HID1: variants seen among roughly 807,000 people sequenced by gnomAD.
HID1 encodes HID1 domain containing.
A neutral mutation model predicts 89.7 loss-of-function variants in HID1; 42 were observed. The observed-to-expected ratio is 0.47, with a 90% CI of 0.37 to 0.61. HID1 has a LOEUF of 0.61. Among genes scored for constraint, HID1 ranks in the 20% least tolerant of loss-of-function variants. The pLI, the probability that HID1 is intolerant of heterozygous loss-of-function variation, is 0.00. For synonymous variants in HID1, 442 were observed against 433.8 expected (o/e 1.02, Z -0.24); for missense variants, 854 against 1,039.3 (o/e 0.82, Z 2.45).
In HID1 at chr17:74,958,065, G is replaced by C; in HGVS notation, c.1471+76C>G. 2 of 1,357,152 alleles carry C rather than the reference G, an allele frequency of 1.5e-6. No homozygotes were observed. The highest frequency in any genetic ancestry group is 2.0e-6 in the Non-Finnish European group (2 of 976,572). The allele number at this position is 1,357,152 out of a possible 1,614,324, so 84.1% of individuals were successfully genotyped here. A position where few individuals can be genotyped will look rare whatever the true frequency, so the allele number is the denominator to read the frequency against. The stretch of plus-strand genomic sequence containing the variant: ...GTGGGCTGGAGGGGCTTGAAACCTG[G>C]AGCAAGTGGCAGGTTGGCCTGTGGC... On this transcript the variant is annotated intron_variant, in intron 12 of 18. Transcript: ENST00000425042. This position sits in a 1 kb window ranked among gnomAD's most constrained non-coding sequence, Gnocchi z 5.2.
In HID1 at chr17:74,958,620, T is replaced by C; in HGVS notation, c.1240+53A>G. The C allele has an allele frequency of 6.3e-7, 1 of 1,596,598 alleles. No individual in the cohort carries two copies. Among genetic ancestry groups the C allele is most frequent in the Non-Finnish European group, 8.6e-7 (1 of 1,165,440 alleles). Reference sequence around the variant, plus strand: ...GGGAGTCAGGGCAGATAGCCAGCCCTCCACCTCGCCGCCAGGAAAGCCCCC... The same window carrying C: ...GGGAGTCAGGGCAGATAGCCAGCCCCCCACCTCGCCGCCAGGAAAGCCCCC... On this transcript the variant is annotated intron_variant, in intron 10 of 18. Coordinates refer to ENST00000425042, the MANE Select transcript of HID1 (RefSeq NM_030630.3). The surrounding 1 kb of genome is among the most constrained non-coding windows in gnomAD (Gnocchi z 5.2).
chr17:74,962,940 G>T lies in HID1; in HGVS notation c.504+25C>A. 6.5e-7 allele frequency: 1 copy of T among 1,540,914 alleles called. No individual in the cohort carries two copies. Among genetic ancestry groups the T allele is most frequent in the South Asian group, 1.1e-5 (1 of 88,806 alleles). Reference sequence around the variant, plus strand: ...CAGGACCAGAGCCTACTCCGCCTGGGGGTGGGGGGCTGGGGGACACTCACC... The same window carrying T: ...CAGGACCAGAGCCTACTCCGCCTGGTGGTGGGGGGCTGGGGGACACTCACC... On this transcript the variant is annotated intron_variant, in intron 4 of 18. Coordinates refer to ENST00000425042, the MANE Select transcript of HID1 (RefSeq NM_030630.3). The surrounding 1 kb of genome is among the most constrained non-coding windows in gnomAD (Gnocchi z 4.3).
chr17:74,951,561 G>C lies in HID1; in HGVS notation c.*9C>G, dbSNP rs1191076736. The C allele has an allele frequency of 6.2e-7, 1 of 1,609,308 alleles. No homozygotes were observed. The highest frequency in any genetic ancestry group is 8.5e-7 in the Non-Finnish European group (1 of 1,177,896). On this transcript the variant is annotated 3_prime_UTR_variant, in exon 19 of 19. Coordinates refer to ENST00000425042, the MANE Select transcript of HID1 (RefSeq NM_030630.3). ...TTCCCCTAGACTGAGCCCCTCGTCGGCTTCATCCTCACACCCGCTGTATCT... is the reference window on the plus strand; with the variant it reads ...TTCCCCTAGACTGAGCCCCTCGTCGCCTTCATCCTCACACCCGCTGTATCT...
At position 74,972,550 on chromosome 17, in the gene HID1, C is replaced by T. The variant is rs2039665777; in HGVS notation, c.66+41G>A. ...ACCCCCGGCCCTGCCCAGCCCCCAG[C>T]CCGGCAGGTGGATGGGGACGCCGGG... On this transcript the variant is annotated intron_variant, in intron 1 of 18. Coordinates refer to ENST00000425042, the MANE Select transcript of HID1 (RefSeq NM_030630.3). The surrounding 1 kb of genome is among the most constrained non-coding windows in gnomAD (Gnocchi z 6.4). The T allele has an allele frequency of 6.5e-7, 1 of 1,529,764 alleles. No individual in the cohort carries two copies. 94.8% of individuals were successfully genotyped at this position (1,529,764 alleles called of 1,614,324 possible). A position where few individuals can be genotyped will look rare whatever the true frequency, so the allele number is the denominator to read the frequency against.
chr17:74,954,684 A>C, intron 13 of HID1: 1 of 407,036 alleles, frequency 2.5e-6, no homozygotes, highest in African/African-American at 2.1e-5. Flanking sequence ...GGCAGCATCC[A>C]CGTCAGGCCA....
At chr17:74,957,330 A>C (rs2039405147) in intron 12 of HID1, among the ~76,000 whole-genome samples, 1 of 150,882 alleles carries the variant, frequency 6.6e-6, no homozygotes, top group Admixed American at 6.6e-5. Context: ...AAAAAAAAAA[A>C]AAAAATTAGC....
At chr17:74,966,195 A>C (rs1373603954) in intron 1 of HID1, among the ~76,000 whole-genome samples, 1 of 148,308 alleles carries the variant, frequency 6.7e-6, no homozygotes, top group African/African-American at 2.5e-5. Flanking sequence ...TGAGGCAGAG[A>C]ATTGCTTGAA....
rs775192027 is a variant in HID1, at chr17:74,958,307, G to A, written c.1392+20C>T. 1.4e-5 allele frequency: 22 copies of A among 1,612,006 alleles called. No individual in the cohort carries two copies. Among genetic ancestry groups the A allele is most frequent in the Middle Eastern group, 1.7e-4 (1 of 6,058 alleles). On this transcript the variant is annotated intron_variant, in intron 11 of 18. Transcript: ENST00000425042. This position sits in a 1 kb window ranked among gnomAD's most constrained non-coding sequence, Gnocchi z 5.2. ...CACCACCCCTGCACCTCCTGGGCCCGGCCGCACGAGCCCCCTCACCACAAT... is the reference window on the plus strand; with the variant it reads ...CACCACCCCTGCACCTCCTGGGCCCAGCCGCACGAGCCCCCTCACCACAAT...
rs761143627 is a variant in HID1, at chr17:74,961,863, G to A, written c.728+10C>T. 1 of 1,457,036 alleles carries A rather than the reference G, an allele frequency of 6.9e-7. No homozygotes were observed. The highest frequency in any genetic ancestry group is 9.1e-7 in the Non-Finnish European group (1 of 1,102,750). The allele number at this position is 1,457,036 out of a possible 1,614,324, so 90.3% of individuals were successfully genotyped here. On this transcript the variant is annotated intron_variant, in intron 6 of 18. Coordinates refer to ENST00000425042, the MANE Select transcript of HID1 (RefSeq NM_030630.3). The stretch of plus-strand genomic sequence containing the variant: ...GGGAAGAGAGCGCAGAAAGGCCAAG[G>A]GCCCTTCACCTGTTCTCCGTGGAAC...
intron 18 of HID1, 83 bp from the exon 19 acceptor site, chr17:74,951,716 C>A: frequency 6.9e-7 from 1 of 1,454,734 alleles, no homozygotes; most frequent in Non-Finnish European, 9.5e-7. Flanking sequence ...CAGGAATGGC[C>A]AAGCCAACCC....
Position 74,962,450 on chromosome 17 carries a change from C to G in HID1, c.505-110G>C. On this transcript the variant is annotated intron_variant, in intron 4 of 18. Coordinates refer to ENST00000425042, the MANE Select transcript of HID1 (RefSeq NM_030630.3). The surrounding 1 kb of genome is among the most constrained non-coding windows in gnomAD (Gnocchi z 4.3). ...ACACAGTCCCAGGGGCAGAGACCGC[C>G]AGTTCTCCTAAAGACAGGTCCTCAA... 1 of 638,778 alleles carries G rather than the reference C, an allele frequency of 1.6e-6. No individual in the cohort carries two copies. Among genetic ancestry groups the G allele is most frequent in the Non-Finnish European group, 2.8e-6 (1 of 363,126 alleles). The allele number at this position is 638,778 out of a possible 1,614,324, so 39.6% of individuals were successfully genotyped here.
Position 74,962,918 on chromosome 17 carries a change from G to T in HID1, c.504+47C>A. On this transcript the variant is annotated intron_variant, in intron 4 of 18. Transcript: ENST00000425042. This position sits in a 1 kb window ranked among gnomAD's most constrained non-coding sequence, Gnocchi z 4.3. ...TTCAACTGGCCCGGCCCCAACCCAG[G>T]ACCAGAGCCTACTCCGCCTGGGGGT... is the stretch of plus-strand genomic sequence containing the variant. The T allele has an allele frequency of 1.4e-6, 2 of 1,429,978 alleles. No individual in the cohort carries two copies. The highest frequency in any genetic ancestry group is 1.2e-5 in the South Asian group (1 of 84,510). 88.6% of individuals were successfully genotyped at this position (1,429,978 alleles called of 1,614,324 possible). A position where few individuals can be genotyped will look rare whatever the true frequency, so the allele number is the denominator to read the frequency against.
chr17:74,960,756 G>C (rs2039467203), intron 6 of HID1, among the ~76,000 whole-genome samples: 1 of 152,236 alleles, frequency 6.6e-6, no homozygotes, highest in Admixed American at 6.5e-5. Context: ...TTCTGGAGTA[G>C]GGTGGAAGGT....
chr17:74,965,803 G>C (rs1211760722), intron 1 of HID1, among the ~76,000 whole-genome samples: 3 of 151,886 alleles, frequency 2.0e-5, no homozygotes, highest in Non-Finnish European at 4.4e-5. Context: ...TGTAATCCCA[G>C]CTACTCGGGA....
intron 1 of HID1, among the ~76,000 whole-genome samples, chr17:74,966,139 G>C (rs1165445494): frequency 6.6e-6 from 1 of 151,522 alleles, no homozygotes; most frequent in African/African-American, 2.4e-5. Context: ...ACTAAAATTA[G>C]CTGGGCATGG....
At chr17:74,963,535 C>T in intron 3 of HID1, 1 of 600,094 alleles carries the variant, frequency 1.7e-6, no homozygotes, top group South Asian at 2.1e-5. Context: ...TTCCTCCAGA[C>T]TGTGGGCACA....
chr17:74,952,332 A>AGCG lies in HID1; in HGVS notation c.2078_2080dup (p.Pro693dup), dbSNP rs1328026686. ...CTGCAGCAGCCTCATGATGGTCTGC[A>AGCG]GCGGCAGCTTCGACTTCCAGGAGAG... is the stretch of plus-strand genomic sequence containing the variant. On this transcript the variant is annotated inframe_insertion, in exon 17 of 19. Coordinates refer to ENST00000425042, the MANE Select transcript of HID1 (RefSeq NM_030630.3). 6.2e-7 allele frequency: 1 copy of AGCG among 1,613,830 alleles called. No homozygotes were observed. The highest frequency in any genetic ancestry group is 1.3e-5 in the African/African-American group (1 of 75,016).
At chr17:74,964,095 C>A in intron 2 of HID1, 185 bp from the exon 3 acceptor site, 3 of 636,688 alleles carry the variant, frequency 4.7e-6, no homozygotes, top group Non-Finnish European at 5.5e-6. Context: ...CCTTGGGGGA[C>A]TGGGACACAG....
rs2039488686 is a variant in HID1, at chr17:74,961,994, T to A, written c.612-5A>T. On this transcript the variant is annotated splice_polypyrimidine_tract_variant and splice_region_variant and intron_variant, in intron 5 of 18. Transcript: ENST00000425042. ...AGCAGTTTCAGCAGCTCCATCCTTG[T>A]AGGAGGAAGGGGGAGGGCACCTTAG... is the stretch of plus-strand genomic sequence containing the variant. 1 of 1,561,418 alleles carries A rather than the reference T, an allele frequency of 6.4e-7. No homozygotes were observed. The highest frequency in any genetic ancestry group is 8.7e-7 in the Non-Finnish European group (1 of 1,153,690).
Sources: allele counts gnomAD v4.1 joint callset (sites outside exome capture counted in the v4.1 genomes callset), GRCh38; gene constraint gnomAD v4.1.1; non-coding constraint Gnocchi (gnomAD v3.1); transcripts MANE v1.5; gene names NCBI Gene and HGNC (gene_info 2026-07-23, HGNC 2026-07-21).